The following SKAP1 variants were observed in gnomAD, a reference collection of about 807,000 sequenced individuals.
The protein encoded by SKAP1 is src kinase associated phosphoprotein 1, also known as src kinase-associated phosphoprotein 1.
SKAP1 carries 44 observed loss-of-function variants against 58.5 expected under a neutral mutation model. The ratio of observed to expected loss-of-function variants is 0.75; its 90% CI spans 0.59 to 0.97. The LOEUF is 0.97. SKAP1 is among the 50% of genes least tolerant of loss of function. The pLI is 0.00. For missense variants in SKAP1, 390 were observed against 435.2 expected, an observed-to-expected ratio of 0.90 and a Z score of 0.92; for synonymous variants, 127 against 149.7, an observed-to-expected ratio of 0.85 and a Z score of 1.11.
chr17:48,324,871 C>G (rs762026092), intron 4 of SKAP1, among the ~76,000 whole-genome samples: 6 of 152,044 alleles, frequency 3.9e-5, no homozygotes, highest in Non-Finnish European at 7.4e-5. Context: ...ACTCCCTATA[C>G]TTTTACCAAA....
intron 10 of SKAP1, among the ~76,000 whole-genome samples, chr17:48,165,144 TG>T (rs1262954294): frequency 6.6e-6 from 1 of 152,200 alleles, no homozygotes; most frequent in Non-Finnish European, 1.5e-5. Flanking sequence ...GGACGCTGTG[TG>T]TAATAGGGAA....
At chr17:48,234,494 G>A (rs965725927) in intron 4 of SKAP1, among the ~76,000 whole-genome samples, 5 of 152,208 alleles carry the variant, frequency 3.3e-5, no homozygotes, top group African/African-American at 9.7e-5. Context: ...CTGAGGCCAT[G>A]TGTCATCTGG....
At chr17:48,441,168 T>C in the SKAP1 span, among the ~76,000 whole-genome samples, 4 of 152,212 alleles carry the variant, frequency 2.6e-5, no homozygotes, top group Admixed American at 1.3e-4. Flanking sequence ...ATGAGATTCA[T>C]AGGGTTGCAT....
At chr17:48,207,485 C>CAA (rs11367185) in intron 4 of SKAP1, among the ~76,000 whole-genome samples, 3 of 103,760 alleles carry the variant, frequency 2.9e-5, no homozygotes, top group African/African-American at 1.2e-4. Context: ...GACTCTGTCT[C>CAA]AAAAAAAAAA....
At chr17:48,426,675 T>C (rs898191771) in intron 1 of SKAP1, among the ~76,000 whole-genome samples, 1 of 152,220 alleles carries the variant, frequency 6.6e-6, no homozygotes, top group South Asian at 2.1e-4. Context: ...CCTCTTTCAA[T>C]AAAGCAGAAA....
At chr17:48,240,138 G>A (rs1225965646) in intron 4 of SKAP1, among the ~76,000 whole-genome samples, 3 of 151,684 alleles carry the variant, frequency 2.0e-5, no homozygotes, top group Non-Finnish European at 2.9e-5. Context: ...AATAAGGAGC[G>A]AGCCAGCTTG....
intron 4 of SKAP1, chr17:48,193,579 A>G (rs778993379): frequency 1.2e-5 from 7 of 564,790 alleles, no homozygotes; most frequent in Non-Finnish European, 1.6e-5. Context: ...TCTGAGCTCA[A>G]TCTCATTAGC....
chr17:48,171,197 G>A (rs779972574), intron 9 of SKAP1, among the ~76,000 whole-genome samples: 21 of 146,378 alleles, frequency 1.4e-4, no homozygotes, highest in Admixed American at 2.8e-4. Flanking sequence ...CACCTTCCGG[G>A]TTCAAGCTAT....
intron 1 of SKAP1, 142 bp from the exon 2 acceptor site, chr17:48,396,927 T>TAAA: frequency 7.6e-5 from 27 of 355,264 alleles, no homozygotes; most frequent in East Asian, 1.7e-4. Flanking sequence ...TAAAGTATAA[T>TAAA]AAAAAAAAAA....
At chr17:48,428,306 A>C (rs1333845189) in intron 1 of SKAP1, among the ~76,000 whole-genome samples, 1 of 152,228 alleles carries the variant, frequency 6.6e-6, no homozygotes, top group Non-Finnish European at 1.5e-5. Flanking sequence ...AGATACAGCA[A>C]GCTTGATACA....
intron 2 of SKAP1, among the ~76,000 whole-genome samples, chr17:48,372,469 G>A (rs1218575968): frequency 1.3e-5 from 2 of 151,790 alleles, no homozygotes; most frequent in Non-Finnish European, 2.9e-5. Context: ...ACCATGCCCG[G>A]CTAATTTTGT....
At chr17:48,166,203 A>G (rs1380623143) in intron 10 of SKAP1, among the ~76,000 whole-genome samples, 2 of 152,252 alleles carry the variant, frequency 1.3e-5, no homozygotes, top group Non-Finnish European at 2.9e-5. Flanking sequence ...AAAAAGCAGC[A>G]TCTTACTCTC....
chr17:48,184,432 TTTGA>T (rs1466497067), intron 7 of SKAP1, among the ~76,000 whole-genome samples: 1 of 152,104 alleles, frequency 6.6e-6, no homozygotes, highest in East Asian at 1.9e-4. Context: ...AAGTAAGGAA[TTTGA>T]TTGTGTGCTG....
chr17:48,289,388 A>G (rs2065873478), intron 4 of SKAP1, among the ~76,000 whole-genome samples: 1 of 152,196 alleles, frequency 6.6e-6, no homozygotes. Context: ...AAGAAGGGAT[A>G]AACTGATCAA....
At chr17:48,265,454 G>A (rs2065534334) in intron 4 of SKAP1, among the ~76,000 whole-genome samples, 1 of 151,158 alleles carries the variant, frequency 6.6e-6, no homozygotes, top group Non-Finnish European at 1.5e-5. Flanking sequence ...GCAGTGAGCT[G>A]AGACCGCACC....
chr17:48,290,810 A>C (rs1049870095), intron 4 of SKAP1, among the ~76,000 whole-genome samples: 12 of 152,228 alleles, frequency 7.9e-5, no homozygotes, highest in Admixed American at 3.3e-4. Flanking sequence ...GTCAATTTTA[A>C]ATATTCAAAG....
chr17:48,413,543 T>TATATATATATATATATATATATATA (rs1567905650), intron 1 of SKAP1, among the ~76,000 whole-genome samples: 15 of 117,696 alleles, frequency 1.3e-4, no homozygotes, highest in African/African-American at 2.2e-4. Flanking sequence ...TATATATATA[T>TATATATATATATATATATATATATA]TTGCTCTTCA....
chr17:48,297,551 T>A (rs1415106169), intron 4 of SKAP1, among the ~76,000 whole-genome samples: 1 of 152,210 alleles, frequency 6.6e-6, no homozygotes, highest in African/African-American at 2.4e-5. Context: ...AAATCAGACC[T>A]ACCACCCTTT....
chr17:48,216,421 CAT>C (rs2064939589), intron 4 of SKAP1, among the ~76,000 whole-genome samples: 1 of 152,096 alleles, frequency 6.6e-6, no homozygotes, highest in Non-Finnish European at 1.5e-5. Flanking sequence ...ATTGAAATAA[CAT>C]ATTGCTGATA....
Sources: gnomAD v4.1 joint callset for allele counts (sites outside exome capture counted in the v4.1 genomes callset) on GRCh38, gnomAD v4.1.1 for gene constraint, MANE v1.5 for transcripts, NCBI Gene and HGNC (gene_info 2026-07-23, HGNC 2026-07-21) for gene names.